The following MACROD2 variants were observed in gnomAD, a reference collection of about 807,000 sequenced individuals.
The protein encoded by MACROD2 is ADP-ribose glycohydrolase MACROD2.
MACROD2 carries 36 observed loss-of-function variants against 70.4 expected under a neutral mutation model. The ratio of observed to expected loss-of-function variants is 0.51; its 90% confidence interval spans 0.39 to 0.68. The LOEUF (loss-of-function observed/expected upper bound fraction) is 0.68. Ranked by LOEUF, MACROD2 falls within the 30% of genes least tolerant of loss-of-function variation. The probability of loss-of-function intolerance (pLI) is 0.00; values close to 1 mark genes in which losing one functional copy is unlikely to be tolerated. For missense variants in MACROD2, 496 were observed against 538.4 expected (o/e 0.92, Z 0.78); for synonymous variants, 172 against 178.8 (o/e 0.96, Z 0.30).
intron 3 of MACROD2, among the ~76,000 whole-genome samples, chr20:14,289,776 A>T (rs941249928): frequency 6.6e-6 from 1 of 152,196 alleles, no homozygotes; most frequent in African/African-American, 2.4e-5. Context: ...TCCTGGGCTC[A>T]AGTGATCTAC....
At chr20:15,022,012 A>G (rs993406271) in intron 5 of MACROD2, among the ~76,000 whole-genome samples, 2 of 152,152 alleles carry the variant, frequency 1.3e-5, no homozygotes, top group Non-Finnish European at 2.9e-5. Flanking sequence ...AAATCTATCA[A>G]TTAAAAAAAT....
chr20:15,234,026 T>A (rs1382247368), intron 6 of MACROD2, among the ~76,000 whole-genome samples: 8 of 21,908 alleles, frequency 3.7e-4, no homozygotes, highest in Non-Finnish European at 5.2e-4. Context: ...TTTTTTTTTT[T>A]TTTTTTTTTT....
At chr20:15,125,039 T>G (rs1350652900) in intron 5 of MACROD2, among the ~76,000 whole-genome samples, 1 of 152,124 alleles carries the variant, frequency 6.6e-6, no homozygotes, top group Non-Finnish European at 1.5e-5. Flanking sequence ...AGGTGGAAAT[T>G]ATTTGGCTAA....
chr20:15,885,812 G>T lies in MACROD2; in HGVS notation c.775+1G>T. 6.7e-7 allele frequency: 1 copy of T among 1,495,240 alleles called. No homozygotes were observed. Among genetic ancestry groups the T allele is most frequent in the Non-Finnish European group, 8.9e-7 (1 of 1,123,038 alleles). 92.6% of individuals were successfully genotyped at this position (1,495,240 alleles called of 1,614,324 possible). Reference sequence around the variant, plus strand: ...GATGTTGAAATGAAAGAAGATTCAGGTATTAAATTCATACTTTTATTATTA... The same window carrying T: ...GATGTTGAAATGAAAGAAGATTCAGTTATTAAATTCATACTTTTATTATTA... On this transcript the variant is annotated splice_donor_variant, in intron 10 of 17. Transcript: ENST00000684519. LOFTEE classifies it high-confidence loss of function.
At chr20:14,646,638 T>A (rs569700723) in intron 4 of MACROD2, among the ~76,000 whole-genome samples, 101 of 152,254 alleles carry the variant, frequency 6.6e-4, no homozygotes, top group Non-Finnish European at 1.1e-3. Flanking sequence ...TTTGTTTTTA[T>A]GTTACAGAAA....
chr20:14,589,698 C>G (rs1311740306), intron 4 of MACROD2, among the ~76,000 whole-genome samples: 2 of 152,160 alleles, frequency 1.3e-5, no homozygotes, highest in African/African-American at 4.8e-5. Flanking sequence ...GTTTTCCTCT[C>G]TTTGGCTGTA....
chr20:15,612,460 C>T (rs149868712), intron 8 of MACROD2, among the ~76,000 whole-genome samples: 2 of 152,162 alleles, frequency 1.3e-5, no homozygotes, highest in Admixed American at 6.6e-5. Flanking sequence ...AAATCATGGG[C>T]GATTGATTAA....
At chr20:14,277,768 T>G (rs938625573) in intron 3 of MACROD2, among the ~76,000 whole-genome samples, 4 of 151,686 alleles carry the variant, frequency 2.6e-5, no homozygotes, top group Admixed American at 2.6e-4. Context: ...ATCCGAGGTG[T>G]GGGAGGAGGA....
At chr20:14,682,055 G>C (rs571358523) in intron 4 of MACROD2, among the ~76,000 whole-genome samples, 12 of 152,236 alleles carry the variant, frequency 7.9e-5, no homozygotes, top group Admixed American at 5.2e-4. Context: ...TAGCTCTTCA[G>C]CTAGACTTTC....
intron 5 of MACROD2, among the ~76,000 whole-genome samples, chr20:14,920,350 T>C (rs1462739757): frequency 6.6e-6 from 1 of 152,174 alleles, no homozygotes; most frequent in Non-Finnish European, 1.5e-5. Context: ...ATTCCAAATC[T>C]AAAACAGAGA....
chr20:15,710,206 A>AAC (rs1846523810), intron 8 of MACROD2, among the ~76,000 whole-genome samples: 1 of 151,952 alleles, frequency 6.6e-6, no homozygotes. Context: ...AAAAAAAAAA[A>AAC]AAAAAAACAA....
rs1042182440 is a variant in MACROD2, at chr20:15,997,841, T to A, written c.1153+10683T>A. 2.6e-5 allele frequency among the ~76,000 whole-genome samples: 4 copies of A among 152,184 alleles called. No individual in the cohort carries two copies. The South Asian group carries it at 8.3e-4, about 32-fold the overall frequency. ...AGCTGTGGGCTTGTCATATATGGCC[T>A]TTATTATGTTGGAGTACATTCCTCT... is the stretch of plus-strand genomic sequence containing the variant. On this transcript the variant is annotated intron_variant, in intron 15 of 17. Transcript: ENST00000684519.
intron 3 of MACROD2, among the ~76,000 whole-genome samples, chr20:14,330,355 TAG>T (rs2082813671): frequency 6.6e-6 from 1 of 152,012 alleles, no homozygotes; most frequent in African/African-American, 2.4e-5. Flanking sequence ...TGTATATATG[TAG>T]GGAACATTTG....
At chr20:15,744,713 C>T (rs2146969883) in intron 8 of MACROD2, among the ~76,000 whole-genome samples, 1 of 151,588 alleles carries the variant, frequency 6.6e-6, no homozygotes, top group South Asian at 2.1e-4. Flanking sequence ...CACACACACA[C>T]ACACACACAC....
At chr20:14,866,733 A>G (rs1246226951) in intron 5 of MACROD2, among the ~76,000 whole-genome samples, 1 of 152,062 alleles carries the variant, frequency 6.6e-6, no homozygotes. Context: ...CTTTTCAATG[A>G]TATACACGTG....
chr20:15,635,304 A>T (rs1343046855), intron 8 of MACROD2, among the ~76,000 whole-genome samples: 1 of 152,252 alleles, frequency 6.6e-6, no homozygotes, highest in East Asian at 1.9e-4. Context: ...AAGTTCATAA[A>T]GCTAACGAAT....
intron 5 of MACROD2, among the ~76,000 whole-genome samples, chr20:14,951,732 A>G (rs2074477706): frequency 6.6e-6 from 1 of 152,060 alleles, no homozygotes; most frequent in South Asian, 2.1e-4. Context: ...AAACTCTGAC[A>G]ATCCTCCATG....
intron 3 of MACROD2, among the ~76,000 whole-genome samples, chr20:14,088,396 A>G (rs1394597838): frequency 6.6e-6 from 1 of 151,924 alleles, no homozygotes; most frequent in African/African-American, 2.4e-5. Context: ...ATCAATATAT[A>G]TAGACACATA....
intron 8 of MACROD2, among the ~76,000 whole-genome samples, chr20:15,749,021 C>T (rs1050342091): frequency 1.3e-5 from 2 of 152,080 alleles, no homozygotes; most frequent in Non-Finnish European, 2.9e-5. Context: ...GCTTTGTATA[C>T]AAATTATGTA....
Sources: gnomAD v4.1 joint callset for allele counts (sites outside exome capture counted in the v4.1 genomes callset) on GRCh38, gnomAD v4.1.1 for gene constraint, MANE v1.5 for transcripts, NCBI Gene and HGNC (gene_info 2026-07-23, HGNC 2026-07-21) for gene names.